CHID1: variants seen among roughly 807,000 people sequenced by gnomAD.
CHID1 encodes chitinase domain-containing protein 1.
In CHID1, 44 loss-of-function variants were observed where a neutral mutation model predicts 55.4. The ratio of observed to expected loss-of-function variants is 0.79; its 90% confidence interval spans 0.62 to 1.02. CHID1 has a LOEUF of 1.02. Ranked by LOEUF, CHID1 falls within the 50% of genes least tolerant of loss-of-function variation. The probability of loss-of-function intolerance (pLI) is 0.00; values close to 1 mark genes in which losing one functional copy is unlikely to be tolerated. For synonymous variants in CHID1, 216 were observed against 212.9 expected (o/e 1.01, Z -0.13); for missense variants, 491 against 515.3 (o/e 0.95, Z 0.46).
At chr11:900,852 G>A in intron 5 of CHID1, 84 bp downstream of exon 5, 2 of 1,144,218 alleles carry the variant, frequency 1.7e-6, no homozygotes, top group Non-Finnish European at 2.5e-6. Flanking sequence ...GGGTGATCAG[G>A]AACACGTGGA....
chr11:894,131 A>G (rs4963192), intron 7 of CHID1, among the ~76,000 whole-genome samples: 271 of 127,030 alleles, frequency 2.1e-3, no homozygotes, highest in Middle Eastern at 0.014. Flanking sequence ...CAAAAAAAAA[A>G]AAAAAAAAAA....
chr11:903,167 C>A, intron 2 of CHID1, 56 bp from the exon 3 acceptor site: 1 of 1,557,528 alleles, frequency 6.4e-7, no homozygotes, highest in Middle Eastern at 1.7e-4. Flanking sequence ...GTGTAGAGCA[C>A]AGAGCCCCAC....
chr11:903,229 T>A, intron 2 of CHID1, 118 bp from the exon 3 acceptor site: 2 of 1,026,438 alleles, frequency 1.9e-6, no homozygotes, highest in Non-Finnish European at 2.9e-6. Flanking sequence ...ATCCACACAG[T>A]GCTGCTGACC....
chr11:908,005 C>G (rs1852363365), intron 1 of CHID1, among the ~76,000 whole-genome samples: 1 of 152,216 alleles, frequency 6.6e-6, no homozygotes, highest in Admixed American at 6.5e-5. Context: ...CTGGGTGAGA[C>G]TGGTGCTCCT....
chr11:890,411 TGGCCGGCCCTGAACCACGG>T (rs915788584), intron 8 of CHID1, among the ~76,000 whole-genome samples: 1 of 152,236 alleles, frequency 6.6e-6, no homozygotes, highest in Admixed American at 6.5e-5. Flanking sequence ...CATATAGCGA[TGGCCGGCCCTGAACCACGG>T]GGCTTGCAGG....
intron 8 of CHID1, among the ~76,000 whole-genome samples, chr11:886,933 C>T (rs568464891): frequency 6.6e-6 from 1 of 152,342 alleles, no homozygotes; most frequent in Non-Finnish European, 1.5e-5. Context: ...ATCTCCTGGC[C>T]TGCCCATCAG....
intron 10 of CHID1, among the ~76,000 whole-genome samples, chr11:881,195 G>A (rs965527886): frequency 1.3e-5 from 2 of 152,206 alleles, no homozygotes; most frequent in African/African-American, 4.8e-5. Flanking sequence ...TGTCATCGCA[G>A]CACTTTGGGA....
At chr11:883,413 C>T in intron 9 of CHID1, 110 bp from the exon 10 acceptor site, 1 of 1,149,164 alleles carries the variant, frequency 8.7e-7, no homozygotes, top group African/African-American at 1.5e-5. Flanking sequence ...CGGCTGACAC[C>T]TCTAGAGAGT....
At chr11:897,845 G>A (rs1851493055) in intron 7 of CHID1, among the ~76,000 whole-genome samples, 1 of 152,182 alleles carries the variant, frequency 6.6e-6, no homozygotes, top group Non-Finnish European at 1.5e-5. Context: ...AGGGGTGCTG[G>A]CGGAGGGTGT....
At chr11:891,443 C>T (rs914368919) in intron 8 of CHID1, among the ~76,000 whole-genome samples, 1 of 152,212 alleles carries the variant, frequency 6.6e-6, no homozygotes, top group Non-Finnish European at 1.5e-5. Context: ...GGACCTGGCC[C>T]AGCTCCAACT....
chr11:876,026 G>A (rs1565163840), intron 10 of CHID1, among the ~76,000 whole-genome samples: 1 of 152,152 alleles, frequency 6.6e-6, no homozygotes, highest in Non-Finnish European at 1.5e-5. Flanking sequence ...TGCTCTTTAG[G>A]GCGGTCGCAG....
At chr11:880,702 C>T (rs1269626529) in intron 10 of CHID1, among the ~76,000 whole-genome samples, 1 of 152,088 alleles carries the variant, frequency 6.6e-6, no homozygotes, top group Non-Finnish European at 1.5e-5. Flanking sequence ...GGCCTGGCCT[C>T]GGCTCACCTG....
intron 8 of CHID1, among the ~76,000 whole-genome samples, chr11:889,829 G>T (rs1364955015): frequency 6.6e-6 from 1 of 152,196 alleles, no homozygotes; most frequent in Non-Finnish European, 1.5e-5. Flanking sequence ...AATCTCCCAT[G>T]CTCAGGGCAT....
At chr11:890,358 G>T (rs565452064) in intron 8 of CHID1, among the ~76,000 whole-genome samples, 2 of 152,236 alleles carry the variant, frequency 1.3e-5, no homozygotes, top group African/African-American at 4.8e-5. Context: ...CGGTGACGGC[G>T]CCCCCATGCG....
chr11:872,436 C>T (rs1020843283), intron 10 of CHID1, among the ~76,000 whole-genome samples: 4 of 152,172 alleles, frequency 2.6e-5, no homozygotes, highest in African/African-American at 9.7e-5. Context: ...GGATTACAGG[C>T]GTGAGCCACC....
At chr11:893,896 C>A (rs1021139377) in intron 7 of CHID1, among the ~76,000 whole-genome samples, 5 of 151,768 alleles carry the variant, frequency 3.3e-5, no homozygotes, top group African/African-American at 1.2e-4. Context: ...CCTTGGGAGG[C>A]CGAGGTGGGC....
rs144295528 is a variant in CHID1 at position 870,154 on chromosome 11, A to G, written c.1050T>C (p.Ser350=). The G allele has an allele frequency of 1.8e-5, 29 of 1,612,790 alleles. No individual in the cohort carries two copies. Among genetic ancestry groups the G allele is most frequent in the African/African-American group, 4.0e-5 (3 of 74,832 alleles). Residue 350 remains serine (S), a synonymous_variant, in exon 12 of 13, where the codon AGT becomes AGC. Transcript: ENST00000323578. ...TTGGGTAGAAGACGACGTGCCTCCC[A>G]CTGCGGCTCCTGCAAGACAAAGGGA... ...EHFFEYKKSR[S]GRHVVFYPTL...
intron 11 of CHID1, 25 bp from the exon 12 acceptor site, chr11:870,188 C>T (rs1486662508): frequency 3.1e-6 from 5 of 1,613,140 alleles, no homozygotes; most frequent in Middle Eastern, 1.6e-4. Context: ...GACTGTCAGC[C>T]CATCCGCTCT....
intron 3 of CHID1, 71 bp downstream of exon 3, chr11:902,891 G>T: frequency 1.4e-6 from 2 of 1,453,268 alleles, no homozygotes; most frequent in Non-Finnish European, 1.9e-6. Context: ...GCCAGAAGAG[G>T]CCATCACGGG....
Sources: gnomAD v4.1 joint callset for allele counts (sites outside exome capture counted in the v4.1 genomes callset) on GRCh38, gnomAD v4.1.1 for gene constraint, MANE v1.5 for transcripts, NCBI Gene and HGNC (gene_info 2026-07-23, HGNC 2026-07-21) for gene names.